Variants in FNDC7 observed in about 807,000 individuals in gnomAD.
The protein encoded by FNDC7 is fibronectin type III domain-containing protein 7.
A neutral mutation model predicts 74.2 loss-of-function variants in FNDC7; 66 were observed. The ratio of observed to expected loss-of-function variants is 0.89; its 90% CI spans 0.73 to 1.09. The LOEUF is 1.09. FNDC7 is among the 50% of genes least tolerant of loss of function. The probability of loss-of-function intolerance (pLI) is 0.00; values close to 1 mark genes in which losing one functional copy is unlikely to be tolerated. For missense variants in FNDC7, 829 were observed against 893.4 expected (o/e 0.93, Z 0.92); for synonymous variants, 307 against 330.2 (o/e 0.93, Z 0.76).
chr1:108,718,330 A>G (rs1557786904), intron 3 of FNDC7, among the ~76,000 whole-genome samples: 1 of 152,232 alleles, frequency 6.6e-6, no homozygotes, highest in Non-Finnish European at 1.5e-5. Flanking sequence ...CAAATGAAGA[A>G]CACAGAGAAG....
chr1:108,727,377 A>T (rs1661242720), intron 6 of FNDC7, among the ~76,000 whole-genome samples: 1 of 152,098 alleles, frequency 6.6e-6, no homozygotes, highest in African/African-American at 2.4e-5. Context: ...TATAACTGTG[A>T]GCCCTACCCC....
chr1:108,715,744 A>G (rs1660959054), intron 2 of FNDC7, among the ~76,000 whole-genome samples: 1 of 152,218 alleles, frequency 6.6e-6, no homozygotes, highest in Non-Finnish European at 1.5e-5. Context: ...CAACAATCCT[A>G]AAATGCAGGT....
At chr1:108,713,240 G>C (rs1299882511) in intron 1 of FNDC7, among the ~76,000 whole-genome samples, 1 of 152,094 alleles carries the variant, frequency 6.6e-6, no homozygotes, top group Admixed American at 6.5e-5. Flanking sequence ...AGCAGCTACT[G>C]ACTTAGTTCA....
rs1214064991 is a variant in FNDC7 at position 108,719,009 on chromosome 1, C to T, written c.558C>T (p.Asn186=). ...YTIKAYAWNA[N]RIPGDDSTCN... is the part of the protein sequence containing the mutation. ...TAAAGGCCTATGCATGGAATGCCAACAGAATCCCTGGGGATGACTCCACCT... is the reference window on the plus strand; with the variant it reads ...TAAAGGCCTATGCATGGAATGCCAATAGAATCCCTGGGGATGACTCCACCT... The change falls in exon 4 of 13, where the codon AAC becomes AAT. Residue 186 remains asparagine (N), a synonymous_variant. Transcript: ENST00000370017. 5.2e-6 allele frequency: 8 copies of T among 1,552,198 alleles called. No individual in the cohort carries two copies. Among genetic ancestry groups the T allele is most frequent in the Non-Finnish European group, 7.0e-6 (8 of 1,147,106 alleles).
intron 4 of FNDC7, among the ~76,000 whole-genome samples, chr1:108,721,244 T>A (rs978729015): frequency 2.0e-5 from 3 of 151,718 alleles, no homozygotes; most frequent in Non-Finnish European, 4.4e-5. Flanking sequence ...CTGAGGCGGG[T>A]GGATCACGAG....
rs761631814 is a variant in FNDC7, at chr1:108,726,014, A to G, written c.1111+10A>G. On this transcript the variant is annotated intron_variant, in intron 6 of 12. Transcript: ENST00000370017. ...TTCAATTATACCACAGGTAAGTCCC[A>G]TTTGATGTTTGTTAAGGGAGTTCTG... 6.2e-7 allele frequency: 1 copy of G among 1,613,602 alleles called. No homozygotes were observed. The highest frequency in any genetic ancestry group is 8.5e-7 in the Non-Finnish European group (1 of 1,179,652).
rs965163116 is a variant in FNDC7, at chr1:108,727,535, G to A, written c.1112-273G>A. ...CATAGAGAACAAGGGCGCACGTGGC[G>A]TGGGGGAATTGAGGAGTCTGGTGTG... On this transcript the variant is annotated intron_variant, in intron 6 of 12. Transcript: ENST00000370017. Among the ~76,000 whole-genome samples the A allele has an allele frequency of 3.3e-5, 5 of 152,224 alleles. No individual in the cohort carries two copies. The South Asian group carries it at 6.2e-4, about 19-fold the overall frequency.
At chr1:108,716,321 GTGTGTGTGTGTGTGTGTGT>G (rs1660973766) in intron 2 of FNDC7, among the ~76,000 whole-genome samples, 20 of 92,836 alleles carry the variant, frequency 2.2e-4, no homozygotes, top group East Asian at 5.6e-4. Context: ...CAGAAGAGAG[GTGTGTGTGTGTGTGTGTGT>G]GTGTGTGTGT....
Position 108,737,489 on chromosome 1 carries a change from T to C in FNDC7, c.2141-6T>C. The C allele has an allele frequency of 3.2e-6, 5 of 1,581,832 alleles. No individual in the cohort carries two copies. Among genetic ancestry groups the C allele is most frequent in the Non-Finnish European group, 4.3e-6 (5 of 1,165,132 alleles). On this transcript the variant is annotated splice_region_variant and splice_polypyrimidine_tract_variant and intron_variant, in intron 10 of 12. Coordinates refer to ENST00000370017, the MANE Select transcript of FNDC7 (RefSeq NM_001144937.3). Reference sequence around the variant, plus strand: ...TTTATTTTAAATGCTTGTGTTTTTATTACAGTAACTTGCTCTGGAAGTACA... The same window carrying C: ...TTTATTTTAAATGCTTGTGTTTTTACTACAGTAACTTGCTCTGGAAGTACA...
intron 7 of FNDC7, among the ~76,000 whole-genome samples, chr1:108,728,282 GAGT>G (rs1341046308): frequency 1.3e-5 from 2 of 152,234 alleles, no homozygotes; most frequent in Non-Finnish European, 2.9e-5. Flanking sequence ...ACCACGGGGA[GAGT>G]AGAAGGTTTT....
chr1:108,718,489 A>G (rs1205270726), intron 3 of FNDC7, among the ~76,000 whole-genome samples: 1 of 152,222 alleles, frequency 6.6e-6, no homozygotes, highest in East Asian at 1.9e-4. Context: ...AAAATGGTGT[A>G]ACCCCTAATT....
Position 108,728,643 on chromosome 1 carries a change from C to A in FNDC7, c.1381C>A (p.Pro461Thr). ...CTAAAATGTCTTAGCTCCTTGCAGT[C>A]CTGAAATAAAAAATGTTTCAAGGGA... ...PQFITTAPCSPEIKNVSRDAF... is the reference protein window; with the variant it reads ...PQFITTAPCSTEIKNVSRDAF... Residue 461 changes from proline (P) to threonine (T), a missense_variant, in exon 8 of 13, where the codon CCT (proline) becomes ACT (threonine). Physicochemically the swap from Pro to Thr is conservative, Grantham distance 38. Coordinates refer to ENST00000370017, the MANE Select transcript of FNDC7 (RefSeq NM_001144937.3). 6.2e-7 allele frequency: 1 copy of A among 1,614,144 alleles called. No individual in the cohort carries two copies. The highest frequency in any genetic ancestry group is 1.1e-5 in the South Asian group (1 of 91,070).
rs1661670975 is a variant in FNDC7 at position 108,742,435 on chromosome 1, A to G, written c.*548A>G. ...GCAACCTGAGATAACAAACGCCCTC[A>G]TCGCAAGTTAGGAGCAAAGCTGAGC... On this transcript the variant is annotated 3_prime_UTR_variant, in exon 13 of 13. Coordinates refer to ENST00000370017, the MANE Select transcript of FNDC7 (RefSeq NM_001144937.3). The G allele has an allele frequency of 6.6e-6, 1 of 152,442 alleles. No individual in the cohort carries two copies. The allele number at this position is 152,442 out of a possible 1,614,324, so 9.4% of individuals were successfully genotyped here.
chr1:108,734,017 T>C (rs1290516337), intron 10 of FNDC7, among the ~76,000 whole-genome samples: 1 of 152,194 alleles, frequency 6.6e-6, no homozygotes. Flanking sequence ...TTCTTTGGAA[T>C]TGTGATGCTT....
Position 108,725,474 on chromosome 1 carries a change from T to C in FNDC7, c.857-276T>C, listed in dbSNP as rs565972126. On this transcript the variant is annotated intron_variant, in intron 5 of 12. Coordinates refer to ENST00000370017, the MANE Select transcript of FNDC7 (RefSeq NM_001144937.3). ...TCTTAAGATGACTATGAATCTCTGATGGCTCATTATTTCAAACAATATTTC... is the reference window on the plus strand; with the variant it reads ...TCTTAAGATGACTATGAATCTCTGACGGCTCATTATTTCAAACAATATTTC... Among the ~76,000 whole-genome samples the C allele has an allele frequency of 4.2e-3, 633 of 152,360 alleles. 4 individuals are homozygous for C. Among genetic ancestry groups the C allele is most frequent in the African/African-American group, 0.014 (563 of 41,590 alleles).
rs542950453 is a variant in FNDC7, at chr1:108,730,967, G to C, written c.1879+39G>C. 62 of 1,564,054 alleles carry C rather than the reference G, an allele frequency of 4.0e-5. No homozygotes were observed. The South Asian group carries it at 7.4e-4, about 19-fold the overall frequency. On this transcript the variant is annotated intron_variant, in intron 9 of 12. Transcript: ENST00000370017. The stretch of plus-strand genomic sequence containing the variant: ...AGCTCTAGAGTAGCAGTAAGGACTT[G>C]ACTATTATCAATCCAGGCATGAGCC...
intron 4 of FNDC7, among the ~76,000 whole-genome samples, chr1:108,719,601 C>T (rs1043752167): frequency 6.6e-6 from 1 of 152,152 alleles, no homozygotes; most frequent in African/African-American, 2.4e-5. Flanking sequence ...ATGGGGCTTC[C>T]CACTATTGCT....
At chr1:108,726,062 A>G in intron 6 of FNDC7, 58 bp downstream of exon 6, 6 of 1,584,360 alleles carry the variant, frequency 3.8e-6, no homozygotes, top group Non-Finnish European at 5.2e-6. Flanking sequence ...TCAGCAGCAG[A>G]ATGGATCACC....
intron 8 of FNDC7, 145 bp from the exon 9 acceptor site, chr1:108,730,529 A>G: frequency 1.1e-6 from 1 of 939,918 alleles, no homozygotes; most frequent in Non-Finnish European, 1.5e-6. Flanking sequence ...GGAATGAACA[A>G]AAGGAAATTT....
Sources: gnomAD v4.1 joint callset for allele counts (sites outside exome capture counted in the v4.1 genomes callset) on GRCh38, gnomAD v4.1.1 for gene constraint, MANE v1.5 for transcripts, NCBI Gene and HGNC (gene_info 2026-07-23, HGNC 2026-07-21) for gene names.